DPP6: variants seen among roughly 807,000 people sequenced by gnomAD.
DPP6 encodes A-type potassium channel modulatory protein DPP6.
In DPP6, 69 loss-of-function variants were observed where a neutral mutation model predicts 122.6. The observed-to-expected ratio is 0.56, with a 90% CI of 0.46 to 0.69. DPP6 has a LOEUF of 0.69. Ranked by LOEUF, DPP6 falls within the 30% of genes least tolerant of loss-of-function variation. The pLI is 0.00. For missense variants in DPP6, 928 were observed against 1,116.9 expected, an observed-to-expected ratio of 0.83 and a Z score of 2.41; for synonymous variants, 418 against 433.1, an observed-to-expected ratio of 0.97 and a Z score of 0.43.
chr7:153,859,429 TC>T, the DPP6 span, among the ~76,000 whole-genome samples: 1 of 152,180 alleles, frequency 6.6e-6, no homozygotes, highest in Non-Finnish European at 1.5e-5. Flanking sequence ...AACCACGTGT[TC>T]CATGAGACGT....
chr7:153,758,898 G>A, the DPP6 span, among the ~76,000 whole-genome samples: 2 of 152,166 alleles, frequency 1.3e-5, no homozygotes, highest in African/African-American at 4.8e-5. Context: ...ATACCTAAGA[G>A]TGGAACAGCA....
At chr7:154,622,320 T>C (rs1834743559) in intron 5 of DPP6, among the ~76,000 whole-genome samples, 1 of 152,202 alleles carries the variant, frequency 6.6e-6, no homozygotes, top group African/African-American at 2.4e-5. Context: ...ATGCCAGATA[T>C]GTGGCATATG....
rs1311389513 is a variant in DPP6, at chr7:154,487,706, CA to C, written c.457+12670del. On this transcript the variant is annotated intron_variant, in intron 3 of 25. Transcript: ENST00000377770. ...ATTCATCCTTCAACACGATGATATTCACATGAGCACTGACACCACCATTTAT... is the reference window on the plus strand; with the variant it reads ...ATTCATCCTTCAACACGATGATATTCCATGAGCACTGACACCACCATTTAT... Among the ~76,000 whole-genome samples the C allele has an allele frequency of 2.0e-5, 3 of 152,204 alleles. No individual in the cohort carries two copies. In the East Asian group the frequency reaches 5.8e-4, roughly 29 times the overall value.
intron 1 of DPP6, among the ~76,000 whole-genome samples, chr7:154,131,286 C>A (rs1795269123): frequency 6.6e-6 from 1 of 152,180 alleles, no homozygotes; most frequent in African/African-American, 2.4e-5. Context: ...AGTTTTAGCC[C>A]AAACTTACCT....
chr7:154,302,763 C>T (rs576381696), intron 1 of DPP6, among the ~76,000 whole-genome samples: 5 of 152,324 alleles, frequency 3.3e-5, no homozygotes, highest in South Asian at 4.1e-4. Flanking sequence ...CAGCATGCAC[C>T]GCTGAGCATT....
chr7:153,786,701 T>C, the DPP6 span, among the ~76,000 whole-genome samples: 1 of 129,704 alleles, frequency 7.7e-6, no homozygotes, highest in Non-Finnish European at 1.6e-5. Flanking sequence ...ACCGCGCCAC[T>C]GCACTCCAGC....
In DPP6 at chr7:154,052,635, G is replaced by A. The variant is rs1262411022; in HGVS notation, c.-186G>A. 9 of 1,269,522 alleles carry A rather than the reference G, an allele frequency of 7.1e-6. No individual in the cohort carries two copies. Among genetic ancestry groups the A allele is most frequent in the Non-Finnish European group, 9.0e-6 (9 of 998,276 alleles). The allele number at this position is 1,269,522 out of a possible 1,614,324, so 78.6% of individuals were successfully genotyped here. A position where few individuals can be genotyped will look rare whatever the true frequency, so the allele number is the denominator to read the frequency against. On this transcript the variant is annotated 5_prime_UTR_variant, in exon 1 of 26. Transcript: ENST00000377770. This position sits in a 1 kb window ranked among gnomAD's most constrained non-coding sequence, Gnocchi z 4.8. Reference sequence around the variant, plus strand: ...GGCTGAGCCAGGCAGAGTCGCCAGCGGAGACTCGCGAGTGGCGCGCGGGAG... The same window carrying A: ...GGCTGAGCCAGGCAGAGTCGCCAGCAGAGACTCGCGAGTGGCGCGCGGGAG...
chr7:154,020,571 G>C (rs10258509), intron 1 of DPP6, among the ~76,000 whole-genome samples: 2,523 of 152,278 alleles, frequency 0.017, 62 homozygotes, highest in African/African-American at 0.059. Flanking sequence ...TGCCATTCAT[G>C]TCATGTTTTA....
In DPP6 at chr7:154,875,710, T is replaced by C. The variant is rs1393577805; in HGVS notation, c.1884-196T>C. Among the ~76,000 whole-genome samples, 2 of 152,170 alleles carry C rather than the reference T, an allele frequency of 1.3e-5. No homozygotes were observed. Among genetic ancestry groups the C allele is most frequent in the African/African-American group, 4.8e-5 (2 of 41,448 alleles). Reference sequence around the variant, plus strand: ...GTCCTAGGCTCTTGGAGGTCTCCTCTTCCTCCTCACTTTATGGGGTGTGGA... The same window carrying C: ...GTCCTAGGCTCTTGGAGGTCTCCTCCTCCTCCTCACTTTATGGGGTGTGGA... On this transcript the variant is annotated intron_variant, in intron 19 of 25. Coordinates refer to ENST00000377770, the MANE Select transcript of DPP6 (RefSeq NM_130797.4). The surrounding 1 kb of genome is among the most constrained non-coding windows in gnomAD (Gnocchi z 4.5).
At chr7:154,247,341 T>C (rs1424025284) in intron 1 of DPP6, among the ~76,000 whole-genome samples, 1 of 152,156 alleles carries the variant, frequency 6.6e-6, no homozygotes, top group Non-Finnish European at 1.5e-5. Context: ...TCAAGTAACA[T>C]ATTAGAAAAA....
the DPP6 span, among the ~76,000 whole-genome samples, chr7:153,787,098 C>T: frequency 7.0e-6 from 1 of 142,886 alleles, no homozygotes; most frequent in Admixed American, 6.9e-5. Context: ...ACTACAGGTG[C>T]CCACGACCAC....
At chr7:153,839,422 G>C in the DPP6 span, among the ~76,000 whole-genome samples, 1 of 152,180 alleles carries the variant, frequency 6.6e-6, no homozygotes, top group African/African-American at 2.4e-5. Context: ...CAATGCAATG[G>C]TGAGGAATGC....
chr7:153,855,069 C>A, the DPP6 span, among the ~76,000 whole-genome samples: 1 of 112,002 alleles, frequency 8.9e-6, no homozygotes, highest in Admixed American at 1.1e-4. Context: ...AGGGGAATAT[C>A]ACACTCTGGG....
In DPP6 at chr7:153,940,847, A is replaced by G. The variant is rs546576736; in HGVS notation, c.51+53113A>G. On this transcript the variant is annotated intron_variant, in intron 1 of 25. Transcript: ENST00000404039. ...TAAAAGCGGTGTGTTCGCCAAGCAT[A>G]TGCGCAGCTTCAAGACAAGGTGTCT... is the stretch of plus-strand genomic sequence containing the variant. Among the ~76,000 whole-genome samples the G allele has an allele frequency of 5.3e-5, 8 of 152,272 alleles. No individual in the cohort carries two copies. The South Asian group carries it at 1.7e-3, about 32-fold the overall frequency.
intron 2 of DPP6, among the ~76,000 whole-genome samples, chr7:154,469,281 T>A (rs1822056338): frequency 6.6e-6 from 1 of 152,224 alleles, no homozygotes. Flanking sequence ...GGTAAGATTA[T>A]TTAATGCAAT....
At chr7:154,551,929 A>G (rs1025039951) in intron 4 of DPP6, among the ~76,000 whole-genome samples, 5 of 152,116 alleles carry the variant, frequency 3.3e-5, no homozygotes, top group African/African-American at 1.2e-4. Context: ...TTTTCTTTCA[A>G]AATTTTTTAT....
chr7:153,761,619 T>A, the DPP6 span, among the ~76,000 whole-genome samples: 1 of 152,152 alleles, frequency 6.6e-6, no homozygotes, highest in Admixed American at 6.5e-5. Context: ...TGCTACACAG[T>A]TACGTGTGTA....
chr7:154,116,380 AC>A (rs1226436470), intron 1 of DPP6, among the ~76,000 whole-genome samples: 1 of 152,152 alleles, frequency 6.6e-6, no homozygotes, highest in Non-Finnish European at 1.5e-5. Context: ...TTTTGAATAC[AC>A]CCCTTGCTCA....
At chr7:154,639,681 G>A (rs559295076) in intron 6 of DPP6, among the ~76,000 whole-genome samples, 34 of 152,110 alleles carry the variant, frequency 2.2e-4, no homozygotes, top group African/African-American at 7.7e-4. Context: ...TTGAAGGCTC[G>A]GCTTCTGCAC....
Sources: gnomAD v4.1 joint callset for allele counts (sites outside exome capture counted in the v4.1 genomes callset) on GRCh38, gnomAD v4.1.1 for gene constraint, Gnocchi (gnomAD v3.1) non-coding constraint, MANE v1.5 for transcripts, NCBI Gene and HGNC (gene_info 2026-07-23, HGNC 2026-07-21) for gene names.